DRC8: variants seen among roughly 807,000 people sequenced by gnomAD.
DRC8 encodes dynein regulatory complex subunit 8, also known as dynein regulatory complex protein 8.
chr1:245,025,650 A>AT, the DRC8 span, among the ~76,000 whole-genome samples: 1 of 151,980 alleles, frequency 6.6e-6, no homozygotes, highest in African/African-American at 2.4e-5. Context: ...GTGCGACCTT[A>AT]TTTTTAGTAT....
chr1:245,060,030 G>A, the DRC8 span, among the ~76,000 whole-genome samples: 1 of 152,070 alleles, frequency 6.6e-6, no homozygotes, highest in African/African-American at 2.4e-5. Context: ...TGCAGCATTC[G>A]GTTCAACAAC....
At chr1:245,014,411 C>G in the DRC8 span, among the ~76,000 whole-genome samples, 3 of 152,088 alleles carry the variant, frequency 2.0e-5, no homozygotes, top group African/African-American at 7.2e-5. Context: ...CATTTGTAAT[C>G]AAAGCAGTGT....
the DRC8 span, among the ~76,000 whole-genome samples, chr1:245,018,352 A>T: frequency 6.6e-6 from 1 of 152,062 alleles, no homozygotes; most frequent in East Asian, 1.9e-4. Flanking sequence ...AAGCAGTGGG[A>T]AGTGGTTTGA....
chr1:245,046,292 T>C, the DRC8 span, among the ~76,000 whole-genome samples: 1 of 152,222 alleles, frequency 6.6e-6, no homozygotes, highest in African/African-American at 2.4e-5. Flanking sequence ...TTTCAGTGTT[T>C]TTACATTTTT....
the DRC8 span, among the ~76,000 whole-genome samples, chr1:245,079,650 C>T: frequency 6.6e-6 from 1 of 152,082 alleles, no homozygotes; most frequent in Non-Finnish European, 1.5e-5. Context: ...TGCATGTAAG[C>T]TAAAGAGGGG....
chr1:244,991,367 T>C, the DRC8 span, among the ~76,000 whole-genome samples: 1 of 152,024 alleles, frequency 6.6e-6, no homozygotes, highest in African/African-American at 2.4e-5. Context: ...AACCCCTTTG[T>C]TTAGGGTTTT....
chr1:245,049,275 G>A, the DRC8 span, among the ~76,000 whole-genome samples: 5 of 152,266 alleles, frequency 3.3e-5, no homozygotes, highest in African/African-American at 4.8e-5. This position sits in a 1 kb window ranked among gnomAD's most constrained non-coding sequence, Gnocchi z 4.5. Context: ...ATGAGCCACC[G>A]TGCCCAGCCT....
chr1:244,993,272 G>A, the DRC8 span, among the ~76,000 whole-genome samples: 1 of 152,194 alleles, frequency 6.6e-6, no homozygotes, highest in African/African-American at 2.4e-5. Context: ...GGCTACCACA[G>A]TCTGCCTTCT....
the DRC8 span, among the ~76,000 whole-genome samples, chr1:245,086,143 G>A: frequency 3.3e-5 from 5 of 152,210 alleles, no homozygotes; most frequent in African/African-American, 1.2e-4. Flanking sequence ...AGCGGACTAA[G>A]CATAGGACAG....
chr1:245,120,864 G>T, the DRC8 span, among the ~76,000 whole-genome samples: 1 of 152,372 alleles, frequency 6.6e-6, no homozygotes, highest in East Asian at 1.9e-4. Flanking sequence ...AGCAATGTTA[G>T]GTTTGGCCCA....
chr1:245,105,501 C>T, the DRC8 span, among the ~76,000 whole-genome samples: 2 of 151,544 alleles, frequency 1.3e-5, no homozygotes, highest in Non-Finnish European at 2.9e-5. Flanking sequence ...TGCCTGTAGT[C>T]CCAGCTACTC....
At chr1:245,103,851 G>A in the DRC8 span, among the ~76,000 whole-genome samples, 1 of 152,210 alleles carries the variant, frequency 6.6e-6, no homozygotes, top group Non-Finnish European at 1.5e-5. Flanking sequence ...GGCTATGGCT[G>A]GAAACTGGTG....
At chr1:245,095,576 C>T in the DRC8 span, among the ~76,000 whole-genome samples, 1 of 152,148 alleles carries the variant, frequency 6.6e-6, no homozygotes, top group East Asian at 1.9e-4. Flanking sequence ...GTCACCCTGG[C>T]TGGAGTGCAG....
the DRC8 span, among the ~76,000 whole-genome samples, chr1:245,120,749 C>G: frequency 1.3e-5 from 2 of 152,242 alleles, no homozygotes; most frequent in Non-Finnish European, 2.9e-5. Context: ...TCACTTCGCA[C>G]CTTAAATGAA....
At chr1:245,001,719 G>A in the DRC8 span, among the ~76,000 whole-genome samples, 1 of 152,230 alleles carries the variant, frequency 6.6e-6, no homozygotes, top group Non-Finnish European at 1.5e-5. Context: ...GAAGGATGAA[G>A]TTGAAGGCAC....
the DRC8 span, among the ~76,000 whole-genome samples, chr1:245,109,803 C>G: frequency 6.6e-6 from 1 of 152,186 alleles, no homozygotes; most frequent in South Asian, 2.1e-4. Flanking sequence ...AAAGCCTGTG[C>G]GAGGCACTAA....
the DRC8 span, chr1:245,083,597 A>G: frequency 1.0e-5 from 16 of 1,599,698 alleles, no homozygotes; most frequent in South Asian, 1.0e-4. Flanking sequence ...GAAAAATATA[A>G]TATCTATCTT....
At chr1:244,994,428 T>C in the DRC8 span, among the ~76,000 whole-genome samples, 11 of 152,148 alleles carry the variant, frequency 7.2e-5, no homozygotes, top group Admixed American at 5.2e-4. Flanking sequence ...ACATTAAACT[T>C]CTTTTTTTAT....
chr1:244,998,986 G>A, the DRC8 span, among the ~76,000 whole-genome samples: 80 of 143,034 alleles, frequency 5.6e-4, no homozygotes, highest in Non-Finnish European at 1.0e-3. Flanking sequence ...TAGTGAGAAG[G>A]TAGACACTTT....
Sources: allele counts gnomAD v4.1 joint callset (sites outside exome capture counted in the v4.1 genomes callset), GRCh38; gene constraint gnomAD v4.1.1; non-coding constraint Gnocchi (gnomAD v3.1); transcripts MANE v1.5; gene names NCBI Gene and HGNC (gene_info 2026-07-23, HGNC 2026-07-21).